The following CBLN2 variants were observed in gnomAD, a reference collection of about 807,000 sequenced individuals.
CBLN2 encodes the protein cerebellin 2 precursor.
In CBLN2, 7 loss-of-function variants were observed where a neutral mutation model predicts 15.0. The observed-to-expected ratio is 0.47, with a 90% CI of 0.27 to 0.88. CBLN2 has a LOEUF of 0.88. Ranked by LOEUF, CBLN2 falls within the 40% of genes least tolerant of loss-of-function variation. The probability of loss-of-function intolerance (pLI) is 0.14; values close to 1 mark genes in which losing one functional copy is unlikely to be tolerated. For missense variants in CBLN2, 242 were observed against 304.5 expected (o/e 0.79, Z 1.53); for synonymous variants, 149 against 135.2 (o/e 1.10, Z -0.71).
intron 1 of CBLN2, among the ~76,000 whole-genome samples, chr18:72,630,127 G>A (rs2069765196): frequency 6.6e-6 from 1 of 152,090 alleles, no homozygotes; most frequent in African/African-American, 2.4e-5. Context: ...TTAAGATTTT[G>A]TACCTATAAA....
intron 1 of CBLN2, among the ~76,000 whole-genome samples, chr18:72,621,374 T>C (rs1460696747): frequency 3.3e-5 from 5 of 152,192 alleles, no homozygotes; most frequent in Admixed American, 3.3e-4. Context: ...GCTTGATATA[T>C]TTGTGTTATA....
In CBLN2 at chr18:72,553,059, G is replaced by A. The variant is rs1014690920; in HGVS notation, c.16-14287C>T. On this transcript the variant is annotated intron_variant, in intron 1 of 2. Coordinates refer to the CBLN2 transcript ENST00000581073. ...ATTATTTTCTCATATATGTGCATAT[G>A]TGAACTTTGTGCAAAATGCTGCTGA... 9.2e-5 allele frequency among the ~76,000 whole-genome samples: 14 copies of A among 152,208 alleles called. No individual in the cohort carries two copies. The South Asian group carries it at 2.7e-3, about 29-fold the overall frequency.
At chr18:72,624,213 TA>T (rs2069719473) in intron 1 of CBLN2, among the ~76,000 whole-genome samples, 1 of 151,842 alleles carries the variant, frequency 6.6e-6, no homozygotes, top group Non-Finnish European at 1.5e-5. Flanking sequence ...TTTTTTTTTT[TA>T]ATTTAGGAAA....
At chr18:72,546,685 T>A (rs1259140401), upstream of CBLN2, among the ~76,000 whole-genome samples, 1 of 152,120 alleles carries the variant, frequency 6.6e-6, no homozygotes, top group Non-Finnish European at 1.5e-5. Flanking sequence ...GTGTGTGAGA[T>A]ATTGCACCAT....
chr18:72,626,585 A>C (rs1198601446), intron 1 of CBLN2, among the ~76,000 whole-genome samples: 3 of 152,128 alleles, frequency 2.0e-5, no homozygotes, highest in African/African-American at 7.2e-5. Context: ...CTGTAATCCC[A>C]GCTACTCGGG....
chr18:72,617,343 T>C (rs1325240451), intron 1 of CBLN2, among the ~76,000 whole-genome samples: 1 of 152,200 alleles, frequency 6.6e-6, no homozygotes, highest in East Asian at 1.9e-4. Context: ...CCATGAATTC[T>C]ACTAAATAGT....
chr18:72,623,382 A>G (rs2069713916), intron 1 of CBLN2, among the ~76,000 whole-genome samples: 1 of 152,132 alleles, frequency 6.6e-6, no homozygotes. Context: ...CCAAACTGAC[A>G]ATCCTTATAA....
chr18:72,578,230 G>T (rs1003334253), intron 1 of CBLN2, among the ~76,000 whole-genome samples: 9 of 152,104 alleles, frequency 5.9e-5, no homozygotes, highest in Non-Finnish European at 1.3e-4. Flanking sequence ...TCATACAAGT[G>T]TTACCATTTT....
At chr18:72,577,682 C>T (rs2069376911) in intron 1 of CBLN2, among the ~76,000 whole-genome samples, 2 of 152,176 alleles carry the variant, frequency 1.3e-5, no homozygotes, top group Admixed American at 6.5e-5. Flanking sequence ...TGGCCTGGTG[C>T]TAATTGGTGT....
rs138532661 is a variant in CBLN2 at position 72,626,497 on chromosome 18, C to T, written c.15+11828G>A. Among the ~76,000 whole-genome samples the T allele has an allele frequency of 5.4e-3, 818 of 151,948 alleles. 6 individuals carry two copies. The highest frequency in any genetic ancestry group is 0.027 in the South Asian group (131 of 4,806). Reference sequence around the variant, plus strand: ...GGTAGATCACCTGAGGTCAGGAGTTCGAGACCAGCCTGGCCAACATGGTAA... The same window carrying T: ...GGTAGATCACCTGAGGTCAGGAGTTTGAGACCAGCCTGGCCAACATGGTAA... On this transcript the variant is annotated intron_variant, in intron 1 of 2. Transcript: ENST00000581073.
intron 1 of CBLN2, among the ~76,000 whole-genome samples, chr18:72,559,975 C>T (rs993066881): frequency 1.3e-5 from 2 of 152,124 alleles, no homozygotes; most frequent in African/African-American, 4.8e-5. Context: ...TTATTTTTAT[C>T]CTTTCTTTCC....
At chr18:72,637,185 G>A (rs183775899) in intron 1 of CBLN2, among the ~76,000 whole-genome samples, 12 of 151,942 alleles carry the variant, frequency 7.9e-5, no homozygotes, top group Admixed American at 5.2e-4. Flanking sequence ...TGTATTTTCC[G>A]CATATGTTTC....
At chr18:72,540,928 G>A (rs2069104200) in intron 3 of CBLN2, among the ~76,000 whole-genome samples, 1 of 152,216 alleles carries the variant, frequency 6.6e-6, no homozygotes, top group Non-Finnish European at 1.5e-5. Flanking sequence ...ATTAGCTAAA[G>A]CTTGGAAACC....
chr18:72,634,166 T>C (rs9807526), intron 1 of CBLN2, among the ~76,000 whole-genome samples: 74,956 of 151,900 alleles, frequency 0.49, 19,283 homozygotes, highest in Middle Eastern at 0.57. Context: ...ATGTATCCCT[T>C]TGTGATTTTA....
At chr18:72,581,860 C>T (rs1157793897) in intron 1 of CBLN2, among the ~76,000 whole-genome samples, 1 of 151,870 alleles carries the variant, frequency 6.6e-6, no homozygotes. Flanking sequence ...TCGATTAGTT[C>T]GTATATGTTT....
At chr18:72,608,494 A>T (rs900790426) in intron 1 of CBLN2, among the ~76,000 whole-genome samples, 12 of 152,280 alleles carry the variant, frequency 7.9e-5, no homozygotes, top group Non-Finnish European at 1.8e-4. Context: ...ATTCAGTCTC[A>T]CATTTCCTGA....
At chr18:72,629,412 G>A (rs1433684228) in intron 1 of CBLN2, among the ~76,000 whole-genome samples, 2 of 150,898 alleles carry the variant, frequency 1.3e-5, no homozygotes, top group Non-Finnish European at 3.0e-5. Flanking sequence ...AAGAGTAAAG[G>A]AATTAAGATA....
intron 1 of CBLN2, chr18:72,618,735 C>T (rs1272222915): frequency 1.4e-6 from 1 of 719,254 alleles, no homozygotes; most frequent in Non-Finnish European, 2.5e-6. Flanking sequence ...ATGACCATGA[C>T]TCCGTGGATG....
chr18:72,593,934 C>A (rs2069496716), intron 1 of CBLN2, among the ~76,000 whole-genome samples: 1 of 152,094 alleles, frequency 6.6e-6, no homozygotes, highest in South Asian at 2.1e-4. Flanking sequence ...ACATATACAC[C>A]ATGGAATATT....
Sources: gnomAD v4.1 joint callset for allele counts (sites outside exome capture counted in the v4.1 genomes callset) on GRCh38, gnomAD v4.1.1 for gene constraint, MANE v1.5 for transcripts, NCBI Gene and HGNC (gene_info 2026-07-23, HGNC 2026-07-21) for gene names.